Variants in CAT observed in about 807,000 individuals in gnomAD.
CAT encodes catalase, also known as epididymis secretory sperm binding protein.
A neutral mutation model predicts 59.0 loss-of-function variants in CAT; 43 were observed. The ratio of observed to expected loss-of-function variants is 0.73; its 90% CI spans 0.57 to 0.94. The LOEUF (loss-of-function observed/expected upper bound fraction) is 0.94. Ranked by LOEUF, CAT falls within the 40% of genes least tolerant of loss-of-function variation. The pLI is 0.00. For missense variants in CAT, 664 were observed against 682.9 expected, an observed-to-expected ratio of 0.97 and a Z score of 0.31; for synonymous variants, 218 against 230.9, an observed-to-expected ratio of 0.94 and a Z score of 0.51.
At chr11:34,469,526 CT>C (rs2133860875) in intron 11 of CAT, among the ~76,000 whole-genome samples, 1 of 152,248 alleles carries the variant, frequency 6.6e-6, no homozygotes, top group South Asian at 2.1e-4. Flanking sequence ...TTCACATTAA[CT>C]TTAGGCTGTG....
At chr11:34,452,551 G>A (rs763596666) in intron 4 of CAT, among the ~76,000 whole-genome samples, 1 of 152,058 alleles carries the variant, frequency 6.6e-6, no homozygotes, top group African/African-American at 2.4e-5. Context: ...GTGTGCGTGC[G>A]CGCATGCGGG....
In CAT at chr11:34,453,135, C is replaced by A. The variant is rs148174786; in HGVS notation, c.526C>A (p.Leu176Met). 285 of 1,613,610 alleles carry A rather than the reference C, an allele frequency of 1.8e-4. 1 individual carries two copies. In the African/African-American group the frequency reaches 3.2e-3, roughly 18 times the overall value. ...CCAAAAGAGAAATCCTCAGACACAT[C>A]TGAAGGATCCGGACATGGTCTGGGA... The part of the protein sequence containing the change: ...HSQKRNPQTH[L>M]KDPDMVWDFW... Residue 176 changes from leucine (L) to methionine (M), a missense_variant, in exon 5 of 13, where the codon CTG becomes ATG. Leu to Met is a conservative substitution (Grantham distance 15). Transcript: ENST00000241052.
chr11:34,471,255 A>G, intron 12 of CAT, 113 bp from the exon 13 acceptor site: 1 of 972,920 alleles, frequency 1.0e-6, no homozygotes, highest in Non-Finnish European at 1.7e-6. Context: ...AAGACAGTTA[A>G]AGTGAATGAA....
At chr11:34,465,975 ATTTG>A (rs1427570054) in intron 10 of CAT, among the ~76,000 whole-genome samples, 1 of 152,224 alleles carries the variant, frequency 6.6e-6, no homozygotes, top group Non-Finnish European at 1.5e-5. Flanking sequence ...CTCTTAAGGT[ATTTG>A]TTAATTTGTA....
chr11:34,456,232 T>C (rs1856589044), intron 7 of CAT, 30 bp downstream of exon 7: 1 of 1,548,934 alleles, frequency 6.5e-7, no homozygotes, highest in Non-Finnish European at 8.9e-7. Context: ...TATTGTTTTC[T>C]TTTTTAAGTC....
chr11:34,455,562 G>A (rs753566011), intron 6 of CAT, among the ~76,000 whole-genome samples: 9 of 151,756 alleles, frequency 5.9e-5, no homozygotes, highest in Non-Finnish European at 8.8e-5. Context: ...TAGGACAGGG[G>A]TGAAGGGATA....
At chr11:34,461,499 T>A in intron 9 of CAT, 110 bp downstream of exon 9, 1 of 1,298,184 alleles carries the variant, frequency 7.7e-7, no homozygotes, top group African/African-American at 1.4e-5. Context: ...ACCTCCTGCT[T>A]GGTAAAGGTG....
intron 1 of CAT, among the ~76,000 whole-genome samples, chr11:34,447,992 A>G (rs1856479242): frequency 6.6e-6 from 1 of 152,218 alleles, no homozygotes; most frequent in African/African-American, 2.4e-5. Context: ...CTCTAGTGGC[A>G]AGGGCATTTA....
At chr11:34,448,118 C>T (rs1856481095) in intron 1 of CAT, among the ~76,000 whole-genome samples, 1 of 152,224 alleles carries the variant, frequency 6.6e-6, no homozygotes, top group African/African-American at 2.4e-5. Context: ...GCCTACTCCC[C>T]ACCGTATTGC....
At chr11:34,451,136 T>G (rs1259120793) in intron 3 of CAT, 38 bp downstream of exon 3, 1 of 1,160,102 alleles carries the variant, frequency 8.6e-7, no homozygotes, top group South Asian at 1.2e-5. Flanking sequence ...ATGGCTTAAC[T>G]CAACTTCACC....
intron 4 of CAT, 106 bp downstream of exon 4, chr11:34,452,313 A>G (rs1481892030): frequency 1.2e-5 from 13 of 1,083,514 alleles, no homozygotes. Flanking sequence ...AAAGAAAAGA[A>G]TGCGAGTTGT....
At chr11:34,463,460 A>G (rs1856675752) in intron 9 of CAT, among the ~76,000 whole-genome samples, 2 of 152,198 alleles carry the variant, frequency 1.3e-5, no homozygotes, top group Non-Finnish European at 2.9e-5. Flanking sequence ...AGAATCCTAA[A>G]AACACTTTAC....
At chr11:34,445,579 G>A (rs1327310976) in intron 1 of CAT, among the ~76,000 whole-genome samples, 3 of 144,996 alleles carry the variant, frequency 2.1e-5, no homozygotes, top group Non-Finnish European at 4.5e-5. Context: ...GGCACAAGAA[G>A]ATGCCCTTGG....
At chr11:34,457,701 G>A (rs1453992125) in intron 8 of CAT, among the ~76,000 whole-genome samples, 1 of 152,164 alleles carries the variant, frequency 6.6e-6, no homozygotes, top group African/African-American at 2.4e-5. Flanking sequence ...GTGAAAAATT[G>A]TACTTTGGAT....
intron 1 of CAT, among the ~76,000 whole-genome samples, chr11:34,448,323 C>G (rs1474545945): frequency 6.6e-6 from 1 of 152,188 alleles, no homozygotes; most frequent in East Asian, 1.9e-4. Flanking sequence ...AGCTTTGCGT[C>G]ACTTACGTGT....
chr11:34,448,355 C>T (rs1267202895), intron 1 of CAT, among the ~76,000 whole-genome samples: 5 of 152,078 alleles, frequency 3.3e-5, no homozygotes, highest in African/African-American at 7.2e-5. Flanking sequence ...TCCAGTGACC[C>T]GGGGAAGACA....
At chr11:34,454,055 T>C in intron 6 of CAT, 129 bp downstream of exon 6, 1 of 966,894 alleles carries the variant, frequency 1.0e-6, no homozygotes, top group South Asian at 1.5e-5. Flanking sequence ...AGTTGGGAAG[T>C]ATTGATCTCA....
In CAT at chr11:34,468,609, T is replaced by C. The variant is rs139716036; in HGVS notation, c.1434+214T>C. 853 of 606,002 alleles carry C rather than the reference T, an allele frequency of 1.4e-3. 7 individuals are homozygous for C. In the African/African-American group the frequency reaches 0.015, roughly 10 times the overall value. The allele number at this position is 606,002 out of a possible 1,614,324, so 37.5% of individuals were successfully genotyped here. On this transcript the variant is annotated intron_variant, in intron 11 of 12. Transcript: ENST00000241052. ...CATATCCATCGTCCTTAGCTGTTTGTCCAGTGTGTACTAATTTAGTTGTGT... is the reference window on the plus strand; with the variant it reads ...CATATCCATCGTCCTTAGCTGTTTGCCCAGTGTGTACTAATTTAGTTGTGT...
rs2133182765 is a variant in CAT, at chr11:34,452,103, G to C, written c.376G>C (p.Val126Leu). Reference sequence around the variant, plus strand: ...TGGAGAATCGGGTTCAGCTGACACAGTTCGGGACCCTCGTGGGTTTGCAGT... The same window carrying C: ...TGGAGAATCGGGTTCAGCTGACACACTTCGGGACCCTCGTGGGTTTGCAGT... ...VAGESGSADT[V>L]RDPRGFAVKF... Residue 126 changes from valine to leucine, a missense_variant, in exon 4 of 13, where the codon GTT becomes CTT. Transcript: ENST00000241052. The C allele has an allele frequency of 6.2e-7, 1 of 1,613,910 alleles. No individual in the cohort carries two copies. Among genetic ancestry groups the C allele is most frequent in the South Asian group, 1.1e-5 (1 of 91,080 alleles).
Sources: allele counts gnomAD v4.1 joint callset (sites outside exome capture counted in the v4.1 genomes callset), GRCh38; gene constraint gnomAD v4.1.1; transcripts MANE v1.5; gene names NCBI Gene and HGNC (gene_info 2026-07-23, HGNC 2026-07-21).